Variants in RTN1 observed in about 807,000 individuals in gnomAD.
RTN1 encodes reticulon 1, also known as reticulon-1.
In RTN1, 25 loss-of-function variants were observed where a neutral mutation model predicts 65.5. That is an observed-to-expected ratio of 0.38 (90% CI 0.28 to 0.53). The LOEUF (loss-of-function observed/expected upper bound fraction) is 0.53. Ranked by LOEUF, RTN1 falls within the 20% of genes least tolerant of loss-of-function variation. The pLI is 0.79. For synonymous variants in RTN1, 471 were observed against 447.6 expected (o/e 1.05, Z -0.66); for missense variants, 983 against 1,025.4 (o/e 0.96, Z 0.57).
intron 1 of RTN1, among the ~76,000 whole-genome samples, chr14:59,822,555 TG>T (rs1886961896): frequency 6.6e-6 from 1 of 152,216 alleles, no homozygotes; most frequent in Admixed American, 6.5e-5. Context: ...CTCCAAGCTT[TG>T]GGGTTGGTTT....
At position 59,868,581 on chromosome 14, in the gene RTN1, T is replaced by C. The variant is rs1321956747; in HGVS notation, c.241+1809A>G. The stretch of plus-strand genomic sequence containing the variant: ...TACCACAAAAAAAAAGTACATGAGA[T>C]GATGGATTTGTTAGCTAATCATTTG... On this transcript the variant is annotated intron_variant, in intron 1 of 8. Coordinates refer to ENST00000267484, the MANE Select transcript of RTN1 (RefSeq NM_021136.3). The surrounding 1 kb of genome is among the most constrained non-coding windows in gnomAD (Gnocchi z 4.0). Among the ~76,000 whole-genome samples the C allele has an allele frequency of 6.6e-6, 1 of 152,170 alleles. No individual in the cohort carries two copies. The highest frequency in any genetic ancestry group is 1.5e-5 in the Non-Finnish European group (1 of 68,026).
intron 3 of RTN1, among the ~76,000 whole-genome samples, chr14:59,642,783 G>C (rs1010475156): frequency 2.0e-5 from 3 of 151,778 alleles, no homozygotes; most frequent in Non-Finnish European, 2.9e-5. Context: ...ATCATCTATG[G>C]GTCTGCTTCT....
intron 1 of RTN1, among the ~76,000 whole-genome samples, chr14:59,748,740 C>T (rs548927601): frequency 1.2e-4 from 18 of 151,762 alleles, no homozygotes; most frequent in Non-Finnish European, 2.5e-4. Flanking sequence ...TAAAACAGGG[C>T]CTGATGAATA....
chr14:59,596,654 A>G lies in RTN1; in HGVS notation c.*91T>C, dbSNP rs45481898. 71,458 of 968,894 alleles carry G rather than the reference A, an allele frequency of 0.074. 3,159 individuals are homozygous for G. Among genetic ancestry groups the G allele is most frequent in the Non-Finnish European group, 0.088 (53,004 of 604,358 alleles). 60.0% of individuals were successfully genotyped at this position (968,894 alleles called of 1,614,324 possible). A position where few individuals can be genotyped will look rare whatever the true frequency, so the allele number is the denominator to read the frequency against. ...GATTATGGTACTGGAGGGAGGGGGGAAAGACAATCAATTTGCAGTAATGAG... is the reference window on the plus strand; with the variant it reads ...GATTATGGTACTGGAGGGAGGGGGGGAAGACAATCAATTTGCAGTAATGAG... On this transcript the variant is annotated 3_prime_UTR_variant, in exon 9 of 9. Coordinates refer to ENST00000267484, the MANE Select transcript of RTN1 (RefSeq NM_021136.3).
At chr14:59,690,311 G>C (rs949396993) in intron 3 of RTN1, among the ~76,000 whole-genome samples, 1 of 151,358 alleles carries the variant, frequency 6.6e-6, no homozygotes, top group Non-Finnish European at 1.5e-5. Flanking sequence ...AGGTGGGGGG[G>C]GGTCATTATC....
chr14:59,726,124 T>C (rs1884754245), intron 3 of RTN1, among the ~76,000 whole-genome samples: 1 of 152,204 alleles, frequency 6.6e-6, no homozygotes, highest in South Asian at 2.1e-4. Flanking sequence ...TTGAATTCCA[T>C]AAGACAACTG....
chr14:59,596,915 T>G, intron 8 of RTN1, 128 bp from the exon 9 acceptor site: 1 of 668,890 alleles, frequency 1.5e-6, no homozygotes, highest in Non-Finnish European at 2.7e-6. Context: ...AGTCTTTATG[T>G]AAGTACATCT....
intron 1 of RTN1, among the ~76,000 whole-genome samples, chr14:59,830,299 C>CT (rs1324354836): frequency 6.6e-6 from 1 of 152,240 alleles, no homozygotes; most frequent in African/African-American, 2.4e-5. Context: ...TGTGCTGACT[C>CT]TTCAAGTGCT....
chr14:59,716,135 A>C (rs1384823141), intron 3 of RTN1, among the ~76,000 whole-genome samples: 2 of 152,204 alleles, frequency 1.3e-5, no homozygotes, highest in Non-Finnish European at 2.9e-5. Context: ...ATCTATATAC[A>C]TTTTTGATAT....
At chr14:59,811,451 C>T (rs1886728120) in intron 1 of RTN1, among the ~76,000 whole-genome samples, 1 of 152,196 alleles carries the variant, frequency 6.6e-6, no homozygotes, top group African/African-American at 2.4e-5. Context: ...AGATCTATAT[C>T]TACTGCTGAT....
At chr14:59,787,324 G>A (rs1886267676) in intron 1 of RTN1, among the ~76,000 whole-genome samples, 1 of 152,116 alleles carries the variant, frequency 6.6e-6, no homozygotes, top group Non-Finnish European at 1.5e-5. Context: ...TAGATGTAGA[G>A]TCCTGGGCAA....
intron 1 of RTN1, among the ~76,000 whole-genome samples, chr14:59,841,704 T>TAAA (rs71451082): frequency 9.8e-6 from 1 of 101,828 alleles, no homozygotes. Context: ...GAGACTCCAT[T>TAAA]AAAAAAAAAA....
chr14:59,606,103 G>GATATATATAT (rs68098978), intron 4 of RTN1: 7 of 127,290 alleles, frequency 5.5e-5, no homozygotes, highest in African/African-American at 2.0e-4. Context: ...GGAAAAACAT[G>GATATATATAT]ATATATATAT....
chr14:59,857,378 G>A (rs1211033219), intron 1 of RTN1, among the ~76,000 whole-genome samples: 1 of 152,038 alleles, frequency 6.6e-6, no homozygotes, highest in Non-Finnish European at 1.5e-5. Context: ...CCATTCAAAT[G>A]GCTTGTCATT....
At chr14:59,648,081 A>G (rs1436996462) in intron 3 of RTN1, among the ~76,000 whole-genome samples, 1 of 152,200 alleles carries the variant, frequency 6.6e-6, no homozygotes, top group Non-Finnish European at 1.5e-5. Flanking sequence ...AATAAACACA[A>G]TCAGAAATGA....
intron 3 of RTN1, among the ~76,000 whole-genome samples, chr14:59,645,285 G>C (rs1882866348): frequency 6.6e-6 from 1 of 152,134 alleles, no homozygotes; most frequent in African/African-American, 2.4e-5. Flanking sequence ...ATACCTTCAG[G>C]TGCTGGAAAA....
At chr14:59,684,896 G>T (rs1034579103) in intron 3 of RTN1, among the ~76,000 whole-genome samples, 1 of 152,000 alleles carries the variant, frequency 6.6e-6, no homozygotes, top group African/African-American at 2.4e-5. Flanking sequence ...AATATAATAC[G>T]TGCCTGATTC....
Position 59,749,358 on chromosome 14 carries a change from C to CTA in RTN1, c.242-2879_242-2878dup, listed in dbSNP as rs1320572308. 9.0e-4 allele frequency among the ~76,000 whole-genome samples: 15 copies of CTA among 16,678 alleles called. 4 individuals carry two copies. The highest frequency in any genetic ancestry group is 4.7e-3 in the African/African-American group (13 of 2,786). The allele number at this position is 16,678 out of a possible 152,430, so 10.9% of individuals were successfully genotyped here. On this transcript the variant is annotated intron_variant, in intron 1 of 8. Coordinates refer to ENST00000267484, the MANE Select transcript of RTN1 (RefSeq NM_021136.3). ...TATATCTATATATATCTATATATAT[C>CTA]TATATATATATCTATATATCTATAT...
intron 3 of RTN1, among the ~76,000 whole-genome samples, chr14:59,667,846 A>G (rs565608491): frequency 6.6e-6 from 1 of 152,280 alleles, no homozygotes; most frequent in South Asian, 2.1e-4. Flanking sequence ...ATCATGAGCC[A>G]TTCACAATTG....
Sources: allele counts gnomAD v4.1 joint callset (sites outside exome capture counted in the v4.1 genomes callset), GRCh38; gene constraint gnomAD v4.1.1; non-coding constraint Gnocchi (gnomAD v3.1); transcripts MANE v1.5; gene names NCBI Gene and HGNC (gene_info 2026-07-23, HGNC 2026-07-21).